The following GRIK2 variants were observed in gnomAD, a reference collection of about 807,000 sequenced individuals.
The protein encoded by GRIK2 is glutamate receptor ionotropic, kainate 2.
A neutral mutation model predicts 100.3 loss-of-function variants in GRIK2; 32 were observed. The observed-to-expected ratio is 0.32, with a 90% CI of 0.24 to 0.43. The LOEUF is 0.43. Among genes scored for constraint, GRIK2 ranks in the 20% least tolerant of loss-of-function variants. The pLI is 1.00. For synonymous variants in GRIK2, 417 were observed against 389.4 expected, an observed-to-expected ratio of 1.07 and a Z score of -0.83; for missense variants, 843 against 1,114.9, an observed-to-expected ratio of 0.76 and a Z score of 3.47.
intron 7 of GRIK2, among the ~76,000 whole-genome samples, chr6:101,696,223 AT>A (rs1428157911): frequency 6.6e-6 from 1 of 151,900 alleles, no homozygotes. Flanking sequence ...GTCATGTTCA[AT>A]TTTAGAGGAA....
chr6:101,878,668 A>G (rs1422473794), intron 11 of GRIK2, among the ~76,000 whole-genome samples: 1 of 151,970 alleles, frequency 6.6e-6, no homozygotes, highest in African/African-American at 2.4e-5. Context: ...GCTTTCTCTT[A>G]CAAGTCATTC....
intron 2 of GRIK2, among the ~76,000 whole-genome samples, chr6:101,412,891 A>G (rs1775949193): frequency 6.6e-6 from 1 of 152,044 alleles, no homozygotes; most frequent in African/African-American, 2.4e-5. Flanking sequence ...AATTCACAAC[A>G]CAGAATAATA....
At chr6:101,782,608 C>T (rs901550130) in intron 7 of GRIK2, among the ~76,000 whole-genome samples, 1 of 152,124 alleles carries the variant, frequency 6.6e-6, no homozygotes, top group African/African-American at 2.4e-5. Flanking sequence ...TATTCATGTG[C>T]TGATGAACAC....
At chr6:101,862,032 G>A (rs1046242587) in intron 11 of GRIK2, among the ~76,000 whole-genome samples, 45 of 152,130 alleles carry the variant, frequency 3.0e-4, no homozygotes, top group African/African-American at 9.6e-4. Context: ...TGATTACAAC[G>A]GAACAGAAAT....
At chr6:101,601,120 GTT>G (rs34999814) in intron 2 of GRIK2, among the ~76,000 whole-genome samples, 4,918 of 140,288 alleles carry the variant, frequency 0.035, 118 homozygotes, top group Non-Finnish European at 0.053. Flanking sequence ...AGTTTGTTGA[GTT>G]TTTTTTTTTT....
chr6:101,851,551 A>G (rs1784126955), intron 10 of GRIK2, among the ~76,000 whole-genome samples: 1 of 152,062 alleles, frequency 6.6e-6, no homozygotes, highest in Non-Finnish European at 1.5e-5. Flanking sequence ...GTTGCTACCT[A>G]AATCTGATTA....
chr6:101,734,645 G>T (rs575070271), intron 7 of GRIK2, among the ~76,000 whole-genome samples: 15 of 152,264 alleles, frequency 9.9e-5, no homozygotes, highest in African/African-American at 3.6e-4. Context: ...TAAAGACCTT[G>T]GGTGGGGGGA....
At chr6:101,854,696 T>C (rs1475907319) in intron 10 of GRIK2, among the ~76,000 whole-genome samples, 1 of 152,210 alleles carries the variant, frequency 6.6e-6, no homozygotes, top group South Asian at 2.1e-4. Flanking sequence ...TTGTTAAATA[T>C]ATTTAGAAAT....
At chr6:101,752,938 T>A (rs1776881716) in intron 7 of GRIK2, among the ~76,000 whole-genome samples, 1 of 152,118 alleles carries the variant, frequency 6.6e-6, no homozygotes, top group South Asian at 2.1e-4. Context: ...AGAACTTATA[T>A]TAGAAGGTAA....
intron 9 of GRIK2, among the ~76,000 whole-genome samples, chr6:101,810,895 C>G (rs1159963871): frequency 6.6e-6 from 1 of 151,860 alleles, no homozygotes; most frequent in Non-Finnish European, 1.5e-5. Flanking sequence ...CTTGAGAAAC[C>G]CAGGTTTTCA....
intron 2 of GRIK2, among the ~76,000 whole-genome samples, chr6:101,419,133 T>G (rs1776291855): frequency 6.6e-6 from 1 of 152,198 alleles, no homozygotes; most frequent in Non-Finnish European, 1.5e-5. Context: ...CTTTTTGTTT[T>G]TCTTTTTTCT....
intron 15 of GRIK2, among the ~76,000 whole-genome samples, chr6:102,040,517 T>C (rs1255710197): frequency 1.3e-5 from 2 of 151,526 alleles, no homozygotes; most frequent in Non-Finnish European, 3.0e-5. Flanking sequence ...CAAAATGAAA[T>C]TTCCTTTTTT....
intron 12 of GRIK2, among the ~76,000 whole-genome samples, chr6:101,911,021 A>G (rs369716694): frequency 6.7e-6 from 1 of 149,988 alleles, no homozygotes; most frequent in African/African-American, 2.4e-5. Flanking sequence ...CCAAACAAAC[A>G]CTGCATTTGT....
intron 14 of GRIK2, among the ~76,000 whole-genome samples, chr6:102,029,743 A>G (rs1019726720): frequency 1.3e-5 from 2 of 151,204 alleles, no homozygotes; most frequent in Non-Finnish European, 3.0e-5. Context: ...GACCCACCTT[A>G]TTAGGAACAT....
intron 7 of GRIK2, among the ~76,000 whole-genome samples, chr6:101,720,177 C>T (rs1583019704): frequency 6.6e-6 from 1 of 151,608 alleles, no homozygotes; most frequent in Non-Finnish European, 1.5e-5. Flanking sequence ...AAGGGTACTG[C>T]ATTTTGAATG....
intron 2 of GRIK2, among the ~76,000 whole-genome samples, chr6:101,459,095 C>A (rs1771159896): frequency 1.4e-5 from 1 of 71,482 alleles, no homozygotes; most frequent in Admixed American, 1.9e-4. Context: ...AAGCTAAGGT[C>A]CCCAGAACAC....
At chr6:101,992,306 C>T (rs1054549367) in intron 14 of GRIK2, among the ~76,000 whole-genome samples, 16 of 151,542 alleles carry the variant, frequency 1.1e-4, no homozygotes, top group African/African-American at 3.4e-4. Context: ...GATTGCTCTA[C>T]GTTCTCAAAG....
At chr6:101,453,290 C>T (rs1368727299) in intron 2 of GRIK2, among the ~76,000 whole-genome samples, 2 of 151,584 alleles carry the variant, frequency 1.3e-5, no homozygotes, top group African/African-American at 2.4e-5. Context: ...CTAGAGGAAA[C>T]AAATTAAGAA....
chr6:101,777,910 T>C (rs1052027301), intron 7 of GRIK2, among the ~76,000 whole-genome samples: 1 of 152,204 alleles, frequency 6.6e-6, no homozygotes, highest in Non-Finnish European at 1.5e-5. Context: ...CAGTCTGAGC[T>C]GCTGACAGAT....
Sources: gnomAD v4.1 joint callset for allele counts (sites outside exome capture counted in the v4.1 genomes callset) on GRCh38, gnomAD v4.1.1 for gene constraint, MANE v1.5 for transcripts, NCBI Gene and HGNC (gene_info 2026-07-23, HGNC 2026-07-21) for gene names.